Variants in AGPS observed in about 807,000 individuals in gnomAD.
AGPS encodes alkyldihydroxyacetonephosphate synthase, peroxisomal.
In AGPS, 26 loss-of-function variants were observed where a neutral mutation model predicts 90.7. The observed-to-expected ratio is 0.29, with a 90% confidence interval of 0.21 to 0.40. The LOEUF (loss-of-function observed/expected upper bound fraction) is 0.40, where lower values mean the gene tolerates loss of function less well. AGPS is among the 10% of genes least tolerant of loss of function. AGPS has a pLI of 1.00. For missense variants in AGPS, 540 were observed against 816.1 expected (o/e 0.66, Z 4.12); for synonymous variants, 294 against 285.3 (o/e 1.03, Z -0.31).
chr2:177,473,680 A>G (rs1474156523), intron 10 of AGPS, among the ~76,000 whole-genome samples: 1 of 152,250 alleles, frequency 6.6e-6, no homozygotes, highest in Non-Finnish European at 1.5e-5. Flanking sequence ...AAAACTCTAC[A>G]TAAATGGGCC....
intron 12 of AGPS, among the ~76,000 whole-genome samples, chr2:177,495,577 A>G (rs1213232130): frequency 6.6e-6 from 1 of 152,160 alleles, no homozygotes; most frequent in East Asian, 1.9e-4. Context: ...CAAACTGTCC[A>G]GCTAGTAAAT....
chr2:177,409,740 C>T (rs1413491113), intron 1 of AGPS, among the ~76,000 whole-genome samples: 1 of 152,050 alleles, frequency 6.6e-6, no homozygotes, highest in East Asian at 1.9e-4. Flanking sequence ...GCTAGTAGGC[C>T]GGTCTAGGGG....
chr2:177,521,283 A>G lies in AGPS; in HGVS notation c.1712A>G (p.Tyr571Cys). The change falls in exon 18 of 20, where the codon TAC becomes TGC. Residue 571 changes from tyrosine to cysteine, a missense_variant. By Grantham distance (194) the Tyr-to-Cys change is radical. Around this residue, in one of 2 missense-constraint regions of AGPS, gnomAD observed 405 missense variants for 692.1 expected, o/e 0.59. Transcript: ENST00000264167. ...TTGTTTTTTAGGGTGACGCAGACTT[A>G]CGATGCAGGTGCTTGTATCTACTTC... ...PFSTCRVTQT[Y>C]DAGACIYFYF... 6.2e-7 allele frequency: 1 copy of G among 1,614,106 alleles called. No individual in the cohort carries two copies. Among genetic ancestry groups the G allele is most frequent in the Non-Finnish European group, 8.5e-7 (1 of 1,179,946 alleles).
At position 177,392,773 on chromosome 2, in the gene AGPS, AG is replaced by A. The variant is rs749099064; in HGVS notation, c.-16del. The stretch of plus-strand genomic sequence containing the variant: ...CCCGCGCCCAGCGGTTCCGGGCGGC[AG>A]CACAAGGCGGTAGCCATGGCGGAGG... On this transcript the variant is annotated 5_prime_UTR_variant, in exon 1 of 20. Coordinates refer to ENST00000264167, the MANE Select transcript of AGPS (RefSeq NM_003659.4). 1.4e-6 allele frequency: 2 copies of A among 1,440,060 alleles called. No homozygotes were observed. Among genetic ancestry groups the A allele is most frequent in the Non-Finnish European group, 1.8e-6 (2 of 1,110,130 alleles). 89.2% of individuals were successfully genotyped at this position (1,440,060 alleles called of 1,614,324 possible).
intron 19 of AGPS, among the ~76,000 whole-genome samples, chr2:177,525,168 A>AT (rs1470837021): frequency 6.6e-6 from 1 of 152,192 alleles, no homozygotes; most frequent in Non-Finnish European, 1.5e-5. Context: ...AAAGCTTCCG[A>AT]TTACTCTAAA....
intron 13 of AGPS, 23 bp downstream of exon 13, chr2:177,497,788 A>G (rs1318344798): frequency 7.9e-7 from 1 of 1,272,184 alleles, no homozygotes; most frequent in East Asian, 2.4e-5. Flanking sequence ...ATAAAATGCT[A>G]AAATTGTAAA....
At chr2:177,448,575 G>T (rs1222957360) in intron 8 of AGPS, among the ~76,000 whole-genome samples, 1 of 152,108 alleles carries the variant, frequency 6.6e-6, no homozygotes, top group East Asian at 1.9e-4. Context: ...TTCTGTAGCC[G>T]CCTTCTTCTC....
At chr2:177,399,107 A>G (rs1218789232) in intron 1 of AGPS, among the ~76,000 whole-genome samples, 3 of 152,364 alleles carry the variant, frequency 2.0e-5, no homozygotes, top group Middle Eastern at 3.4e-3. Flanking sequence ...GTGGTCATTT[A>G]ATAAAAATAC....
intron 1 of AGPS, among the ~76,000 whole-genome samples, chr2:177,409,487 C>A (rs905979617): frequency 2.6e-5 from 4 of 151,942 alleles, no homozygotes; most frequent in African/African-American, 9.7e-5. Context: ...TTACAAGCCC[C>A]GTGTTTAAAG....
chr2:177,453,324 T>A (rs572363013), intron 8 of AGPS, among the ~76,000 whole-genome samples: 24 of 151,512 alleles, frequency 1.6e-4, no homozygotes, highest in Admixed American at 3.9e-4. Context: ...CAGGCTGGAG[T>A]GCAGTGGCCT....
intron 1 of AGPS, among the ~76,000 whole-genome samples, chr2:177,400,788 G>A (rs533486735): frequency 1.6e-4 from 25 of 152,272 alleles, no homozygotes; most frequent in Non-Finnish European, 2.8e-4. Flanking sequence ...GCAGGGGAAT[G>A]CTCAGGTATC....
At chr2:177,510,470 AT>A (rs1688838104) in intron 16 of AGPS, among the ~76,000 whole-genome samples, 1 of 152,206 alleles carries the variant, frequency 6.6e-6, no homozygotes, top group African/African-American at 2.4e-5. Flanking sequence ...GGGACAGTGG[AT>A]TAGTGCAATG....
chr2:177,480,753 A>C (rs941059699), intron 10 of AGPS, among the ~76,000 whole-genome samples: 2 of 151,734 alleles, frequency 1.3e-5, no homozygotes, highest in African/African-American at 4.8e-5. Flanking sequence ...AAATTTAAAA[A>C]TTTAAAAATA....
In AGPS at chr2:177,457,572, A is replaced by G. The variant is rs764659622; in HGVS notation, c.871-4321A>G. Among the ~76,000 whole-genome samples the G allele has an allele frequency of 5.8e-4, 89 of 152,260 alleles. 1 individual carries two copies. Among genetic ancestry groups the G allele is most frequent in the South Asian group, 8.3e-4 (4 of 4,836 alleles). On this transcript the variant is annotated intron_variant, in intron 8 of 19. Coordinates refer to ENST00000264167, the MANE Select transcript of AGPS (RefSeq NM_003659.4). ...ATAAATGCCTCTACACAAATAAACT[A>G]GAAAATCTAGAAGAAATGGATAAAT...
At chr2:177,530,576 C>T (rs1169882063) in intron 19 of AGPS, among the ~76,000 whole-genome samples, 3 of 152,084 alleles carry the variant, frequency 2.0e-5, no homozygotes, top group Non-Finnish European at 4.4e-5. Flanking sequence ...CTCTCAGTAC[C>T]ACTTTTGAGT....
Position 177,513,867 on chromosome 2 carries a change from CAA to C in AGPS, c.1658_1659del (p.Lys553ArgfsTer31). On this transcript the variant is annotated frameshift_variant, in exon 17 of 20. Coordinates refer to ENST00000264167, the MANE Select transcript of AGPS (RefSeq NM_003659.4). LOFTEE classifies it high-confidence loss of function. Reference protein sequence around the residue: ...NVKERITRECKEKGVQFAPFS... With the variant: ...NVKERITRECXEKGVQFAPFS... Reference sequence around the variant, plus strand: ...TAAAAGAAAGAATAACAAGGGAATGCAAAGAGAAGGGTGTTCAGTTTGCTCCT... The same window carrying C: ...TAAAAGAAAGAATAACAAGGGAATGCAGAGAAGGGTGTTCAGTTTGCTCCT... 2 of 1,613,454 alleles carry C rather than the reference CAA, an allele frequency of 1.2e-6. No homozygotes were observed. Among genetic ancestry groups the C allele is most frequent in the Non-Finnish European group, 1.7e-6 (2 of 1,179,644 alleles).
chr2:177,528,816 T>A (rs556193141), intron 19 of AGPS, among the ~76,000 whole-genome samples: 1 of 151,892 alleles, frequency 6.6e-6, no homozygotes, highest in Non-Finnish European at 1.5e-5. Context: ...GTTTTGCAAA[T>A]TCTCAAATAG....
intron 1 of AGPS, among the ~76,000 whole-genome samples, chr2:177,411,819 C>A (rs1035264525): frequency 4.6e-5 from 7 of 152,092 alleles, no homozygotes; most frequent in African/African-American, 1.7e-4. Flanking sequence ...TGTTGTAGAC[C>A]CATAGTACTG....
At chr2:177,537,965 T>G (rs994732698) in intron 19 of AGPS, 109 bp from the exon 20 acceptor site, 21 of 1,453,468 alleles carry the variant, frequency 1.4e-5, no homozygotes, top group Non-Finnish European at 2.0e-5. Context: ...ATTTCTCATT[T>G]TTGAATAAAA....
Sources: gnomAD v4.1 joint callset for allele counts (sites outside exome capture counted in the v4.1 genomes callset) on GRCh38, gnomAD v4.1.1 for gene constraint, gnomAD v4.1.1 regional missense constraint, MANE v1.5 for transcripts, NCBI Gene and HGNC (gene_info 2026-07-23, HGNC 2026-07-21) for gene names.